The following NEFH variants were observed in gnomAD, a reference collection of about 807,000 sequenced individuals.
NEFH encodes neurofilament heavy chain, also known as neurofilament heavy polypeptide.
NEFH carries 58 observed loss-of-function variants against 56.6 expected under a neutral mutation model. That is an observed-to-expected ratio of 1.03 (90% CI 0.83 to 1.28). The LOEUF is 1.28. Among genes scored for constraint, NEFH ranks in the 50% most tolerant of loss-of-function variants. NEFH has a pLI of 0.00. For synonymous variants in NEFH, 542 were observed against 545.8 expected (o/e 0.99, Z 0.10); for missense variants, 1,221 against 1,307.6 (o/e 0.93, Z 1.02).
At chr22:29,481,199 C>G in intron 1 of NEFH, 54 bp downstream of exon 1, 1 of 1,509,878 alleles carries the variant, frequency 6.6e-7, no homozygotes. Context: ...CCGCAGCGAA[C>G]TTTTGGGCTG....
In NEFH at chr22:29,480,860, C is replaced by A; in HGVS notation, c.598C>A (p.Arg200Ser). The A allele has an allele frequency of 7.2e-7, 1 of 1,397,112 alleles. No homozygotes were observed. 86.5% of individuals were successfully genotyped at this position (1,397,112 alleles called of 1,614,324 possible). A position where few individuals can be genotyped will look rare whatever the true frequency, so the allele number is the denominator to read the frequency against. The change falls in exon 1 of 4, where the codon CGC becomes AGC. Residue 200 changes from arginine (R) to serine (S), a missense_variant. This residue lies in a region of NEFH where 640 missense variants were observed against 555.5 expected (regional missense o/e 1.15). Transcript: ENST00000310624. ...RQREEAEAAA[R>S]ALARFAQEAE... ...GCGAGAGGAGGCCGAGGCGGCGGCCCGCGCGCTGGCGCGCTTCGCGCAGGA... is the reference window on the plus strand; with the variant it reads ...GCGAGAGGAGGCCGAGGCGGCGGCCAGCGCGCTGGCGCGCTTCGCGCAGGA...
At position 29,490,040 on chromosome 22, in the gene NEFH, A is replaced by G. The variant is rs1569198060; in HGVS notation, c.2400A>G (p.Lys800=). ...KEEVKSPEKA[K]SPLKEDAKAP... ...AGGTCAAGTCCCCAGAGAAGGCGAAATCTCCCCTGAAGGAGGATGCCAAGG... is the reference window on the plus strand; with the variant it reads ...AGGTCAAGTCCCCAGAGAAGGCGAAGTCTCCCCTGAAGGAGGATGCCAAGG... The change falls in exon 4 of 4, where the codon AAA becomes AAG. Residue 800 remains lysine, a synonymous_variant. Coordinates refer to ENST00000310624, the MANE Select transcript of NEFH (RefSeq NM_021076.4). The G allele has an allele frequency of 3.1e-6, 5 of 1,613,036 alleles. No individual in the cohort carries two copies. In the East Asian group the frequency reaches 6.7e-5, roughly 22 times the overall value.
chr22:29,490,118 G>A lies in NEFH; in HGVS notation c.2478G>A (p.Glu826=). Residue 826 remains glutamate, a synonymous_variant, in exon 4 of 4, where the codon GAG becomes GAA. Coordinates refer to ENST00000310624, the MANE Select transcript of NEFH (RefSeq NM_021076.4). ...KKEEVKSPVK[E]EEKPQEVKVK... is the part of the protein sequence containing the mutation. ...AAGAGGTGAAGTCCCCAGTGAAGGA[G>A]GAGGAGAAGCCCCAGGAGGTGAAAG... The A allele has an allele frequency of 1.2e-6, 2 of 1,614,118 alleles. No homozygotes were observed. The highest frequency in any genetic ancestry group is 4.5e-5 in the East Asian group (2 of 44,868).
chr22:29,491,130 C>T lies in NEFH; in HGVS notation c.*427C>T. ...CCTATTCCCAAATGCCTTCTGTTTT[C>T]CAAAGGAGTGGTCAAGCCCTTGCCC... On this transcript the variant is annotated 3_prime_UTR_variant, in exon 4 of 4. Coordinates refer to ENST00000310624, the MANE Select transcript of NEFH (RefSeq NM_021076.4). The T allele has an allele frequency of 6.0e-6, 2 of 331,898 alleles. No homozygotes were observed. Among genetic ancestry groups the T allele is most frequent in the Non-Finnish European group, 1.2e-5 (2 of 172,494 alleles). The allele number at this position is 331,898 out of a possible 1,614,324, so 20.6% of individuals were successfully genotyped here.
chr22:29,480,940 G>A lies in NEFH; in HGVS notation c.678G>A (p.Glu226=), dbSNP rs533262714. 6.5e-7 allele frequency: 1 copy of A among 1,529,948 alleles called. No homozygotes were observed. The highest frequency in any genetic ancestry group is 8.7e-7 in the Non-Finnish European group (1 of 1,144,992). 94.8% of individuals were successfully genotyped at this position (1,529,948 alleles called of 1,614,324 possible). The change falls in exon 1 of 4, where the codon GAG becomes GAA. Residue 226 remains glutamate, a synonymous_variant. Transcript: ENST00000310624. ...AGAAGGCGCAGGCGCTGCAGGAGGA[G>A]TGCGGCTACCTGCGGCGCCACCACC... ...LQKKAQALQE[E]CGYLRRHHQE...
intron 1 of NEFH, among the ~76,000 whole-genome samples, chr22:29,482,299 T>C (rs2063016193): frequency 6.6e-6 from 1 of 152,218 alleles, no homozygotes; most frequent in Non-Finnish European, 1.5e-5. Context: ...AGGATTGTAC[T>C]GGCCCACTCA....
chr22:29,490,691 C>G lies in NEFH; in HGVS notation c.3051C>G (p.Ala1017=), dbSNP rs770981433. The change falls in exon 4 of 4, where the codon GCC becomes GCG. Residue 1017 remains alanine, a synonymous_variant. Coordinates refer to ENST00000310624, the MANE Select transcript of NEFH (RefSeq NM_021076.4). ...PPEKATEDKA[A]KGK is the part of the protein sequence containing the mutation. Reference sequence around the variant, plus strand: ...AGAAGGCCACAGAAGACAAGGCCGCCAAGGGGAAGTAAGGCAGGGAGAAAG... The same window carrying G: ...AGAAGGCCACAGAAGACAAGGCCGCGAAGGGGAAGTAAGGCAGGGAGAAAG... The G allele has an allele frequency of 6.2e-7, 1 of 1,613,958 alleles. No individual in the cohort carries two copies. Among genetic ancestry groups the G allele is most frequent in the Non-Finnish European group, 8.5e-7 (1 of 1,180,036 alleles).
chr22:29,480,397 C>T lies in NEFH; in HGVS notation c.135C>T (p.Ser45=). 1 of 1,535,998 alleles carries T rather than the reference C, an allele frequency of 6.5e-7. No individual in the cohort carries two copies. Among genetic ancestry groups the T allele is most frequent in the Non-Finnish European group, 8.7e-7 (1 of 1,148,178 alleles). ...GGTRSAAGSS[S]GFHSWTRTSV... is the part of the protein sequence containing the mutation. ...CGCGCTCCGCCGCTGGCTCCTCCAG[C>T]GGCTTCCACTCGTGGACACGGACGT... is the stretch of plus-strand genomic sequence containing the variant. The change falls in exon 1 of 4, where the codon AGC becomes AGT. Residue 45 remains serine, a synonymous_variant. Coordinates refer to ENST00000310624, the MANE Select transcript of NEFH (RefSeq NM_021076.4).
At chr22:29,485,971 T>G in intron 3 of NEFH, 124 bp downstream of exon 3, 1 of 974,024 alleles carries the variant, frequency 1.0e-6, no homozygotes, top group Non-Finnish European at 1.6e-6. Context: ...CTTTTTAAAT[T>G]GCGGCAAAAT....
At chr22:29,484,776 T>C (rs939108695) in intron 2 of NEFH, among the ~76,000 whole-genome samples, 28 of 151,802 alleles carry the variant, frequency 1.8e-4, no homozygotes, top group Non-Finnish European at 1.5e-4. Flanking sequence ...TGGTGGACAC[T>C]GTGGCACACT....
In NEFH at chr22:29,489,642, T is replaced by C. The variant is rs2063066722; in HGVS notation, c.2002T>C (p.Ser668Pro). ...GGCCAAGTCCCCTGAGAAGGCCAAGTCCCCAGTGAAGGCAGAAGCAAAGTC... is the reference window on the plus strand; with the variant it reads ...GGCCAAGTCCCCTGAGAAGGCCAAGCCCCCAGTGAAGGCAGAAGCAAAGTC... ...EEAKSPEKAKSPVKAEAKSPE... is the reference protein window; with the variant it reads ...EEAKSPEKAKPPVKAEAKSPE... The change falls in exon 4 of 4, where the codon TCC (serine) becomes CCC (proline). Residue 668 changes from serine (S) to proline (P), a missense_variant. By Grantham distance (74) the Ser-to-Pro change is moderately conservative. Around this residue, in one of 4 missense-constraint regions of NEFH, gnomAD observed 37 missense variants for 106.4 expected, o/e 0.35. Coordinates refer to ENST00000310624, the MANE Select transcript of NEFH (RefSeq NM_021076.4). 1.3e-6 allele frequency: 2 copies of C among 1,557,934 alleles called. No individual in the cohort carries two copies. Among genetic ancestry groups the C allele is most frequent in the African/African-American group, 1.6e-5 (1 of 61,266 alleles).
At chr22:29,482,254 C>T (rs2063015955) in intron 1 of NEFH, among the ~76,000 whole-genome samples, 3 of 152,218 alleles carry the variant, frequency 2.0e-5, no homozygotes, top group Admixed American at 6.5e-5. Flanking sequence ...GCGCAAACCT[C>T]TTTTGGGTTT....
In NEFH at chr22:29,489,267, GAA is replaced by G; in HGVS notation, c.1628_1629del (p.Glu543GlyfsTer5). 3 of 1,613,562 alleles carry G rather than the reference GAA, an allele frequency of 1.9e-6. No individual in the cohort carries two copies. Among genetic ancestry groups the G allele is most frequent in the Middle Eastern group, 1.7e-4 (1 of 6,058 alleles). On this transcript the variant is annotated frameshift_variant, in exon 4 of 4. Coordinates refer to ENST00000310624, the MANE Select transcript of NEFH (RefSeq NM_021076.4). LOFTEE classifies it low-confidence loss of function (END_TRUNC). ...GAAGGAGGAAGCAAAATCCCCAGCC[GAA>G]GTCAAGTCCCCTGAGAAGGCCAAGT... ...PEKEEAKSPA[E>X]VKSPEKAKSP...
At position 29,483,981 on chromosome 22, in the gene NEFH, C is replaced by T. The variant is rs369540636; in HGVS notation, c.1083+407C>T. Among the ~76,000 whole-genome samples the T allele has an allele frequency of 4.6e-5, 7 of 152,026 alleles. No individual in the cohort carries two copies. In the East Asian group the frequency reaches 1.2e-3, roughly 25 times the overall value. ...TCTCGTGCCTCAGCCTCCCGAGTAG[C>T]GGGGACTACAGGTGCATGCCACCAC... On this transcript the variant is annotated intron_variant, in intron 2 of 3. Transcript: ENST00000310624.
At chr22:29,488,241 G>A (rs571809808) in intron 3 of NEFH, among the ~76,000 whole-genome samples, 16 of 152,200 alleles carry the variant, frequency 1.1e-4, no homozygotes, top group Non-Finnish European at 7.4e-5. Flanking sequence ...GCGTGCGCCT[G>A]TACTCCCAGC....
chr22:29,485,952 G>GCCT, intron 3 of NEFH, 105 bp downstream of exon 3: 2 of 1,252,932 alleles, frequency 1.6e-6, no homozygotes, highest in Non-Finnish European at 2.3e-6. Flanking sequence ...CTGTCTTAGG[G>GCCT]ACAAAATTCT....
rs767412607 is a variant in NEFH at position 29,490,112 on chromosome 22, G to A, written c.2472G>A (p.Val824=). ...IPKKEEVKSP[V]KEEEKPQEVK... is the part of the protein sequence containing the mutation. ...AAAAGGAAGAGGTGAAGTCCCCAGT[G>A]AAGGAGGAGGAGAAGCCCCAGGAGG... is the stretch of plus-strand genomic sequence containing the variant. The change falls in exon 4 of 4, where the codon GTG becomes GTA. Residue 824 remains valine, a synonymous_variant. Coordinates refer to ENST00000310624, the MANE Select transcript of NEFH (RefSeq NM_021076.4). 2.5e-6 allele frequency: 4 copies of A among 1,613,998 alleles called. No homozygotes were observed. Among genetic ancestry groups the A allele is most frequent in the Middle Eastern group, 1.6e-4 (1 of 6,082 alleles).
Position 29,481,068 on chromosome 22 carries a change from C to G in NEFH, c.806C>G (p.Ser269Trp). The change falls in exon 1 of 4, where the codon TCG (serine) becomes TGG (tryptophan). Residue 269 changes from serine to tryptophan, a missense_variant. Around this residue, in one of 4 missense-constraint regions of NEFH, gnomAD observed 640 missense variants for 555.5 expected, o/e 1.15. Coordinates refer to ENST00000310624, the MANE Select transcript of NEFH (RefSeq NM_021076.4). Reference sequence around the variant, plus strand: ...GACGCCCTGAAGTGCGACGTGACGTCGGCGCTGCGCGAGATTCGCGCGCAG... The same window carrying G: ...GACGCCCTGAAGTGCGACGTGACGTGGGCGCTGCGCGAGATTCGCGCGCAG... ...TRDALKCDVT[S>W]ALREIRAQLE... 5 of 1,531,914 alleles carry G rather than the reference C, an allele frequency of 3.3e-6. No individual in the cohort carries two copies. Among genetic ancestry groups the G allele is most frequent in the Non-Finnish European group, 4.4e-6 (5 of 1,145,710 alleles). 94.9% of individuals were successfully genotyped at this position (1,531,914 alleles called of 1,614,324 possible). A position where few individuals can be genotyped will look rare whatever the true frequency, so the allele number is the denominator to read the frequency against.
chr22:29,489,198 G>A lies in NEFH; in HGVS notation c.1558G>A (p.Val520Ile), dbSNP rs372466218. 7 of 1,614,092 alleles carry A rather than the reference G, an allele frequency of 4.3e-6. No homozygotes were observed. The highest frequency in any genetic ancestry group is 2.7e-5 in the African/African-American group (2 of 74,936). ...CCCAGAGAAGGAAGCCAAGTCACCA[G>A]TAAAGGAAGAGGCAAAGTCACCGGC... ...ASPEKEAKSP[V>I]KEEAKSPAEA... is the part of the protein sequence containing the mutation. The change falls in exon 4 of 4, where the codon GTA (valine) becomes ATA (isoleucine). Residue 520 changes from valine to isoleucine, a missense_variant. By Grantham distance (29) the Val-to-Ile change is conservative. Transcript: ENST00000310624.
Sources: gnomAD v4.1 joint callset for allele counts (sites outside exome capture counted in the v4.1 genomes callset) on GRCh38, gnomAD v4.1.1 for gene constraint, gnomAD v4.1.1 regional missense constraint, MANE v1.5 for transcripts, NCBI Gene and HGNC (gene_info 2026-07-23, HGNC 2026-07-21) for gene names.